The following SPMAP2L variants were observed in gnomAD, a reference collection of about 807,000 sequenced individuals.
SPMAP2L encodes sperm microtubule associated protein 2 like, also known as sperm microtubule associated protein 2-like.
chr4:56,543,971 TGTGAGAGAGAGA>T, the SPMAP2L span, among the ~76,000 whole-genome samples: 4 of 91,776 alleles, frequency 4.4e-5, no homozygotes, highest in African/African-American at 2.0e-4. Flanking sequence ...TGTGTGTGTA[TGTGAGAGAGAGA>T]GAGAGAGAGA....
chr4:56,563,826 C>A, the SPMAP2L span, among the ~76,000 whole-genome samples: 9 of 152,122 alleles, frequency 5.9e-5, no homozygotes, highest in South Asian at 1.0e-3. Context: ...CATCTATGTC[C>A]GTGAGGGATA....
At chr4:56,594,299 C>T in the SPMAP2L span, 11 of 1,544,120 alleles carry the variant, frequency 7.1e-6, 1 homozygote, top group East Asian at 1.6e-4. Flanking sequence ...AGACATTTCC[C>T]TTGTTCACAG....
chr4:56,568,565 T>C, the SPMAP2L span, among the ~76,000 whole-genome samples: 3 of 152,198 alleles, frequency 2.0e-5, no homozygotes, highest in Non-Finnish European at 4.4e-5. Context: ...TATAGTGGCT[T>C]ATGCCTATAA....
the SPMAP2L span, among the ~76,000 whole-genome samples, chr4:56,609,715 T>G: frequency 6.6e-6 from 1 of 152,170 alleles, no homozygotes; most frequent in East Asian, 1.9e-4. Flanking sequence ...ATTAGTGTCC[T>G]TAATAAAGAG....
chr4:56,566,674 ATTCTTT>A, the SPMAP2L span, among the ~76,000 whole-genome samples: 1 of 136,548 alleles, frequency 7.3e-6, no homozygotes, highest in Non-Finnish European at 1.6e-5. Context: ...ATGATGTAAG[ATTCTTT>A]TTCTTTTTCT....
the SPMAP2L span, among the ~76,000 whole-genome samples, chr4:56,604,016 C>T: frequency 2.0e-5 from 3 of 152,108 alleles, no homozygotes; most frequent in Non-Finnish European, 4.4e-5. Flanking sequence ...CTCTATAGAT[C>T]AGTATTTTAC....
the SPMAP2L span, among the ~76,000 whole-genome samples, chr4:56,537,569 A>G: frequency 6.6e-6 from 1 of 152,194 alleles, no homozygotes; most frequent in Non-Finnish European, 1.5e-5. Context: ...TTCAAGTACA[A>G]TGCACCCAAT....
At chr4:56,534,301 T>C in the SPMAP2L span, among the ~76,000 whole-genome samples, 1 of 152,170 alleles carries the variant, frequency 6.6e-6, no homozygotes, top group African/African-American at 2.4e-5. Flanking sequence ...ATTTGACACA[T>C]TAACCTCTTA....
the SPMAP2L span, among the ~76,000 whole-genome samples, chr4:56,608,475 G>A: frequency 6.6e-6 from 1 of 152,146 alleles, no homozygotes; most frequent in African/African-American, 2.4e-5. Context: ...AGATCTTCAA[G>A]GCTGCCACTC....
chr4:56,615,456 AC>A, the SPMAP2L span, among the ~76,000 whole-genome samples: 1 of 152,154 alleles, frequency 6.6e-6, no homozygotes, highest in African/African-American at 2.4e-5. Flanking sequence ...TTTAAAAAAT[AC>A]TTAAGTTGGC....
the SPMAP2L span, among the ~76,000 whole-genome samples, chr4:56,592,170 G>T: frequency 6.6e-6 from 1 of 152,118 alleles, no homozygotes; most frequent in Non-Finnish European, 1.5e-5. Context: ...AAGGATCTAG[G>T]TTGTGCTCTC....
At chr4:56,582,451 T>C in the SPMAP2L span, among the ~76,000 whole-genome samples, 4 of 152,174 alleles carry the variant, frequency 2.6e-5, no homozygotes, top group Non-Finnish European at 5.9e-5. Context: ...TATGAAAAGA[T>C]GCTCAGCATC....
At chr4:56,556,779 GCA>G in the SPMAP2L span, among the ~76,000 whole-genome samples, 1 of 152,052 alleles carries the variant, frequency 6.6e-6, no homozygotes, top group Non-Finnish European at 1.5e-5. Flanking sequence ...ATAGGTTGTG[GCA>G]GGAGAATTGC....
At chr4:56,590,834 A>G in the SPMAP2L span, among the ~76,000 whole-genome samples, 1 of 152,234 alleles carries the variant, frequency 6.6e-6, no homozygotes, top group African/African-American at 2.4e-5. Context: ...CCAGAGGCTG[A>G]GAGGACAGAC....
the SPMAP2L span, chr4:56,596,530 A>G: frequency 1.0e-5 from 16 of 1,532,212 alleles, no homozygotes; most frequent in East Asian, 3.7e-4. Context: ...TTCTACCCTG[A>G]GTGCGATTGC....
At chr4:56,587,431 A>G in the SPMAP2L span, among the ~76,000 whole-genome samples, 1 of 152,206 alleles carries the variant, frequency 6.6e-6, no homozygotes, top group Non-Finnish European at 1.5e-5. Flanking sequence ...AGCAGTCTAC[A>G]CAGCACCATA....
chr4:56,543,949 A>AGTGTGTGT, the SPMAP2L span, among the ~76,000 whole-genome samples: 2 of 115,802 alleles, frequency 1.7e-5, no homozygotes, highest in Admixed American at 9.3e-5. Context: ...AGAGAGAGAG[A>AGTGTGTGT]GTGTGTGTGT....
At chr4:56,593,306 A>C in the SPMAP2L span, 14 of 1,176,044 alleles carry the variant, frequency 1.2e-5, no homozygotes, top group South Asian at 6.1e-5. Flanking sequence ...AAGAGGAGGA[A>C]ATTTTTTGTT....
At chr4:56,595,688 G>T in the SPMAP2L span, 14 of 1,095,620 alleles carry the variant, frequency 1.3e-5, no homozygotes, top group Admixed American at 3.4e-5. Context: ...TTTATGAGTT[G>T]CCATTTTCTG....
Sources: gnomAD v4.1 joint callset for allele counts (sites outside exome capture counted in the v4.1 genomes callset) on GRCh38, gnomAD v4.1.1 for gene constraint, MANE v1.5 for transcripts, NCBI Gene and HGNC (gene_info 2026-07-23, HGNC 2026-07-21) for gene names.